Variants in IRS1 observed in about 807,000 individuals in gnomAD.
IRS1 encodes the protein insulin receptor substrate 1.
In IRS1, 34 loss-of-function variants were observed where a neutral mutation model predicts 65.6. That is an observed-to-expected ratio of 0.52 (90% CI 0.39 to 0.69). The LOEUF (loss-of-function observed/expected upper bound fraction) is 0.69. Among genes scored for constraint, IRS1 ranks in the 30% least tolerant of loss-of-function variants. The probability of loss-of-function intolerance (pLI) is 0.00; values close to 1 mark genes in which losing one functional copy is unlikely to be tolerated. For missense variants in IRS1, 1,641 were observed against 1,720.2 expected (o/e 0.95, Z 0.81); for synonymous variants, 699 against 683.5 (o/e 1.02, Z -0.35).
intron 1 of IRS1, among the ~76,000 whole-genome samples, chr2:226,787,005 C>T (rs892625907): frequency 6.6e-6 from 1 of 152,008 alleles, no homozygotes; most frequent in African/African-American, 2.4e-5. Flanking sequence ...GAAAAAAGTC[C>T]TTGAATAACA....
Position 226,794,237 on chromosome 2 carries a change from GAGTTTCCT to G in IRS1, c.*21+744_*21+751del, listed in dbSNP as rs535854954. Among the ~76,000 whole-genome samples the G allele has an allele frequency of 1.8e-3, 279 of 152,294 alleles. No individual in the cohort carries two copies. The highest frequency in any genetic ancestry group is 6.5e-3 in the African/African-American group (271 of 41,550). Reference sequence around the variant, plus strand: ...TAATAATGGGTCCCAGACACATACAGAGTTTCCTGCATATCCTGTACAAGAGAGGCCAG... The same window carrying G: ...TAATAATGGGTCCCAGACACATACAGGCATATCCTGTACAAGAGAGGCCAG... On this transcript the variant is annotated intron_variant, in intron 1 of 1. Transcript: ENST00000305123. This position sits in a 1 kb window ranked among gnomAD's most constrained non-coding sequence, Gnocchi z 4.1.
chr2:226,791,907 C>T (rs1939618207), intron 1 of IRS1, among the ~76,000 whole-genome samples: 2 of 152,198 alleles, frequency 1.3e-5, no homozygotes, highest in Non-Finnish European at 1.5e-5. Flanking sequence ...TGCAGATTCC[C>T]CCACCCCGGG....
chr2:226,769,329 C>A (rs1939118619), intron 1 of IRS1, among the ~76,000 whole-genome samples: 1 of 152,204 alleles, frequency 6.6e-6, no homozygotes, highest in African/African-American at 2.4e-5. Context: ...GTGCAGTACA[C>A]ATGGACACTG....
At chr2:226,743,114 A>G (rs1938471387) in intron 1 of IRS1, among the ~76,000 whole-genome samples, 1 of 151,788 alleles carries the variant, frequency 6.6e-6, no homozygotes, top group South Asian at 2.1e-4. Context: ...TACCAATACT[A>G]TAGTTTGTCC....
In IRS1 at chr2:226,795,234, C is replaced by T; in HGVS notation, c.3505G>A (p.Ala1169Thr). ...AGACCATTCTCCAAACCCCCAGCAG[C>T]CCCACACAGTTTGGCTGGCTCCTTG... ...APKEPAKLCG[A>T]AGGLENGLNY... is the part of the protein sequence containing the mutation. Residue 1169 changes from alanine (A) to threonine (T), a missense_variant, in exon 1 of 2, where the codon GCT (alanine) becomes ACT (threonine). Around this residue, in one of 3 missense-constraint regions of IRS1, gnomAD observed 1,324 missense variants for 1,361.0 expected, o/e 0.97. Transcript: ENST00000305123. The T allele has an allele frequency of 6.2e-7, 1 of 1,613,962 alleles. No individual in the cohort carries two copies. The highest frequency in any genetic ancestry group is 1.1e-5 in the South Asian group (1 of 91,078).
At chr2:226,791,987 C>G (rs1939620289) in intron 1 of IRS1, among the ~76,000 whole-genome samples, 1 of 152,054 alleles carries the variant, frequency 6.6e-6, no homozygotes, top group Non-Finnish European at 1.5e-5. Flanking sequence ...AGGGAAAGTG[C>G]CAGGGCCGAG....
rs1939703099 is a variant in IRS1 at position 226,795,659 on chromosome 2, G to A, written c.3080C>T (p.Pro1027Leu). 1 of 1,613,064 alleles carries A rather than the reference G, an allele frequency of 6.2e-7. No individual in the cohort carries two copies. The highest frequency in any genetic ancestry group is 8.5e-7 in the Non-Finnish European group (1 of 1,179,956). ...TGIAAEEVSL[P>L]RATMAAASSS... ...GGAGGCAGCAGCCATGGTGGCCCTG[G>A]GCAGGCTCACCTCCTCTGCAGCAAT... The change falls in exon 1 of 2, where the codon CCC becomes CTC. Residue 1027 changes from proline to leucine, a missense_variant. By Grantham distance (98) the Pro-to-Leu change is moderately conservative. This residue lies in a region of IRS1 where 1,324 missense variants were observed against 1,361.0 expected (regional missense o/e 0.97). Coordinates refer to ENST00000305123, the MANE Select transcript of IRS1 (RefSeq NM_005544.3).
At chr2:226,741,475 G>A (rs1404467947) in intron 1 of IRS1, among the ~76,000 whole-genome samples, 1 of 152,142 alleles carries the variant, frequency 6.6e-6, no homozygotes, top group Non-Finnish European at 1.5e-5. Flanking sequence ...TTCCTCTCAG[G>A]TTAGAAAAGA....
At chr2:226,762,983 C>A (rs965307904) in intron 1 of IRS1, among the ~76,000 whole-genome samples, 1 of 152,110 alleles carries the variant, frequency 6.6e-6, no homozygotes, top group Admixed American at 6.5e-5. Context: ...AATACTCTTG[C>A]GATCATCCAG....
At chr2:226,791,844 C>T (rs984919399) in intron 1 of IRS1, among the ~76,000 whole-genome samples, 1 of 152,044 alleles carries the variant, frequency 6.6e-6, no homozygotes, top group African/African-American at 2.4e-5. Context: ...GGGGCCCCAC[C>T]GCCCTGGATG....
rs568981569 is a variant in IRS1 at position 226,740,079 on chromosome 2, C to T, written c.*22-3829G>A. On this transcript the variant is annotated intron_variant, in intron 1 of 1. Transcript: ENST00000305123. ...AAAATTCATTTGTAACAGGCAGAAA[C>T]TGGAAACAAAAAGGCAAAACATTTC... is the stretch of plus-strand genomic sequence containing the variant. 2.0e-5 allele frequency among the ~76,000 whole-genome samples: 3 copies of T among 152,270 alleles called. No individual in the cohort carries two copies. In the East Asian group the frequency reaches 5.8e-4, roughly 29 times the overall value.
intron 1 of IRS1, among the ~76,000 whole-genome samples, chr2:226,758,010 C>G (rs1347469644): frequency 3.3e-5 from 5 of 152,038 alleles, no homozygotes; most frequent in Admixed American, 3.3e-4. Context: ...TTACAATTTG[C>G]CAAAACATTT....
chr2:226,741,820 C>T (rs1031698185), intron 1 of IRS1, among the ~76,000 whole-genome samples: 6 of 148,166 alleles, frequency 4.0e-5, no homozygotes, highest in South Asian at 2.1e-4. Flanking sequence ...CACACACACA[C>T]ACACACATAA....
intron 1 of IRS1, among the ~76,000 whole-genome samples, chr2:226,737,972 G>C (rs74440359): frequency 6.6e-6 from 1 of 152,176 alleles, no homozygotes; most frequent in African/African-American, 2.4e-5. Context: ...CCGTGAGCAG[G>C]CTCAAGTAGA....
At chr2:226,753,648 A>G (rs1938733158) in intron 1 of IRS1, among the ~76,000 whole-genome samples, 1 of 152,236 alleles carries the variant, frequency 6.6e-6, no homozygotes. Context: ...CTATAAGAAA[A>G]TCATAGGTAC....
At chr2:226,762,738 C>T (rs1574649134) in intron 1 of IRS1, among the ~76,000 whole-genome samples, 1 of 152,254 alleles carries the variant, frequency 6.6e-6, no homozygotes, top group East Asian at 1.9e-4. Flanking sequence ...TTTGCCATTA[C>T]TTTTAAAATG....
intron 1 of IRS1, among the ~76,000 whole-genome samples, chr2:226,791,673 C>G (rs953654354): frequency 6.6e-5 from 10 of 151,876 alleles, no homozygotes; most frequent in Non-Finnish European, 1.3e-4. Context: ...CCGCGGAGAG[C>G]CCCGCCCCGC....
At position 226,794,986 on chromosome 2, in the gene IRS1, C is replaced by T; in HGVS notation, c.*21+3G>A. ...CTTCTGACTTTGTCACCATGAAACG[C>T]ACCTGCTGTGATGTCCAGTTGAGCT... On this transcript the variant is annotated splice_donor_region_variant and intron_variant, in intron 1 of 1. Transcript: ENST00000305123. The surrounding 1 kb of genome is among the most constrained non-coding windows in gnomAD (Gnocchi z 4.1). 1 of 1,612,802 alleles carries T rather than the reference C, an allele frequency of 6.2e-7. No individual in the cohort carries two copies. The highest frequency in any genetic ancestry group is 1.1e-5 in the South Asian group (1 of 91,066).
chr2:226,772,461 T>C (rs2106172387), intron 1 of IRS1, among the ~76,000 whole-genome samples: 1 of 152,308 alleles, frequency 6.6e-6, no homozygotes, highest in South Asian at 2.1e-4. Flanking sequence ...TTTCATTTGA[T>C]CTTTCACTTA....
Sources: allele counts gnomAD v4.1 joint callset (sites outside exome capture counted in the v4.1 genomes callset), GRCh38; gene constraint gnomAD v4.1.1; regional missense constraint gnomAD v4.1.1; non-coding constraint Gnocchi (gnomAD v3.1); transcripts MANE v1.5; gene names NCBI Gene and HGNC (gene_info 2026-07-23, HGNC 2026-07-21).